Variants in STAU1 observed in about 807,000 individuals in gnomAD.
STAU1 encodes the protein staufen double-stranded RNA binding protein 1.
STAU1 carries 13 observed loss-of-function variants against 62.9 expected under a neutral mutation model. That is an observed-to-expected ratio of 0.21 (90% CI 0.13 to 0.33). The LOEUF (loss-of-function observed/expected upper bound fraction) is 0.33. Among genes scored for constraint, STAU1 ranks in the 10% least tolerant of loss-of-function variants. The pLI, the probability that STAU1 is intolerant of heterozygous loss-of-function variation, is 1.00. For synonymous variants in STAU1, 269 were observed against 265.1 expected (o/e 1.01, Z -0.14); for missense variants, 571 against 712.1 (o/e 0.80, Z 2.25).
chr20:49,213,340 C>T, the STAU1 span, among the ~76,000 whole-genome samples: 1 of 152,018 alleles, frequency 6.6e-6, no homozygotes, highest in Non-Finnish European at 1.5e-5. Flanking sequence ...AAACAATTCT[C>T]CTGTCTCAGC....
chr20:49,181,107 C>T (rs990278093), intron 1 of STAU1, among the ~76,000 whole-genome samples: 2 of 152,106 alleles, frequency 1.3e-5, no homozygotes, highest in Non-Finnish European at 2.9e-5. Context: ...ATGAGCTTTA[C>T]GCTGCAAAGA....
At chr20:49,134,029 T>C (rs1295914594) in intron 6 of STAU1, among the ~76,000 whole-genome samples, 1 of 152,156 alleles carries the variant, frequency 6.6e-6, no homozygotes, top group Non-Finnish European at 1.5e-5. Flanking sequence ...GAATATAAGC[T>C]TCAGATAGGC....
chr20:49,207,453 C>T, the STAU1 span, among the ~76,000 whole-genome samples: 1 of 152,140 alleles, frequency 6.6e-6, no homozygotes, highest in Non-Finnish European at 1.5e-5. Context: ...GTGGCCAGTC[C>T]AAGCAGGCTG....
chr20:49,170,073 C>T (rs907896183), intron 2 of STAU1, among the ~76,000 whole-genome samples: 4 of 152,016 alleles, frequency 2.6e-5, no homozygotes, highest in South Asian at 2.1e-4. Flanking sequence ...ATGAGCGCTA[C>T]GAAAGTTTTT....
At position 49,141,257 on chromosome 20, in the gene STAU1, T is replaced by G. The variant is rs114179309; in HGVS notation, c.511-5326A>C. Among the ~76,000 whole-genome samples the G allele has an allele frequency of 4.8e-3, 728 of 152,302 alleles. 3 individuals carry two copies. The highest frequency in any genetic ancestry group is 0.017 in the African/African-American group (690 of 41,568). On this transcript the variant is annotated intron_variant, in intron 5 of 13. Transcript: ENST00000371856. ...CCTGGATTTATCCAATGTCAATAGTTAAGTACTACTGACGTCGGACTGTTT... is the reference window on the plus strand; with the variant it reads ...CCTGGATTTATCCAATGTCAATAGTGAAGTACTACTGACGTCGGACTGTTT...
chr20:49,215,472 C>G, the STAU1 span, among the ~76,000 whole-genome samples: 1 of 152,128 alleles, frequency 6.6e-6, no homozygotes, highest in Non-Finnish European at 1.5e-5. Flanking sequence ...GAAACTTACA[C>G]TTTAGATTCA....
chr20:49,218,229 C>CTT, the STAU1 span, among the ~76,000 whole-genome samples: 29,221 of 139,340 alleles, frequency 0.21, 3,336 homozygotes, highest in East Asian at 0.34. Flanking sequence ...AAAGCCCAAT[C>CTT]TTTTTTTTTT....
At chr20:49,118,685 GGAA>G (rs140281510) in intron 9 of STAU1, among the ~76,000 whole-genome samples, 1,939 of 152,296 alleles carry the variant, frequency 0.013, 50 homozygotes, top group African/African-American at 0.044. Flanking sequence ...TGCACCCACA[GGAA>G]GACGGGAAGC....
Position 49,140,057 on chromosome 20 carries a change from G to A in STAU1, c.511-4126C>T, listed in dbSNP as rs182721082. Among the ~76,000 whole-genome samples, 309 of 150,192 alleles carry A rather than the reference G, an allele frequency of 2.1e-3. 1 individual carries two copies. The highest frequency in any genetic ancestry group is 7.1e-3 in the African/African-American group (289 of 40,848). On this transcript the variant is annotated intron_variant, in intron 5 of 13. Transcript: ENST00000371856. Reference sequence around the variant, plus strand: ...AAAAATTAGCTGAGCGTGGTGACGCGCACCTGTAGTCCCAGCTACTCGGGA... The same window carrying A: ...AAAAATTAGCTGAGCGTGGTGACGCACACCTGTAGTCCCAGCTACTCGGGA...
At chr20:49,149,717 T>C (rs2093206990) in intron 5 of STAU1, among the ~76,000 whole-genome samples, 2 of 152,232 alleles carry the variant, frequency 1.3e-5, no homozygotes, top group Non-Finnish European at 2.9e-5. Flanking sequence ...ATTTGGTCCT[T>C]AGTGAGCCCT....
chr20:49,117,904 T>C lies in STAU1; in HGVS notation c.1382A>G (p.Tyr461Cys). 2 of 1,614,162 alleles carry C rather than the reference T, an allele frequency of 1.2e-6. No individual in the cohort carries two copies. The highest frequency in any genetic ancestry group is 8.5e-7 in the Non-Finnish European group (1 of 1,180,020). ...VTAMIARELL[Y>C]GGTSPTAETI... ...CTCGGCTGTGGGCGAGGTGCCCCCATACAACAACTCTCGGGCTATCATGGC... is the reference window on the plus strand; with the variant it reads ...CTCGGCTGTGGGCGAGGTGCCCCCACACAACAACTCTCGGGCTATCATGGC... The change falls in exon 11 of 14, where the codon TAT becomes TGT. Residue 461 changes from tyrosine to cysteine, a missense_variant. Tyr to Cys is a radical substitution (Grantham distance 194). This residue lies in a region of STAU1 where 156 missense variants were observed against 194.7 expected (regional missense o/e 0.80). Coordinates refer to ENST00000371856, the MANE Select transcript of STAU1 (RefSeq NM_017453.4). This position sits in a 1 kb window ranked among gnomAD's most constrained non-coding sequence, Gnocchi z 4.6.
intron 1 of STAU1, among the ~76,000 whole-genome samples, chr20:49,185,120 T>G (rs1260849015): frequency 6.6e-6 from 1 of 152,226 alleles, no homozygotes; most frequent in Non-Finnish European, 1.5e-5. Flanking sequence ...CGGGGGCACT[T>G]TGGAAAACAA....
intron 5 of STAU1, among the ~76,000 whole-genome samples, chr20:49,149,279 C>CACACAT (rs1447832636): frequency 6.6e-6 from 1 of 150,818 alleles, no homozygotes; most frequent in Non-Finnish European, 1.5e-5. Context: ...CACACACACA[C>CACACAT]ACACACACAC....
chr20:49,166,461 C>G (rs1257518149), intron 2 of STAU1, among the ~76,000 whole-genome samples, 176 bp from the exon 3 acceptor site: 1 of 152,110 alleles, frequency 6.6e-6, no homozygotes, highest in East Asian at 1.9e-4. Context: ...AGTTTCTTGG[C>G]CTTGTGACTT....
upstream of STAU1, among the ~76,000 whole-genome samples, chr20:49,190,540 G>A (rs1409641790): frequency 6.6e-6 from 1 of 152,100 alleles, no homozygotes; most frequent in Non-Finnish European, 1.5e-5. Flanking sequence ...TCAAATTCTA[G>A]GCTCAAGCAA....
At chr20:49,139,509 G>C (rs2092961009) in intron 5 of STAU1, among the ~76,000 whole-genome samples, 1 of 152,162 alleles carries the variant, frequency 6.6e-6, no homozygotes. Flanking sequence ...TGGGTCACCT[G>C]AGGTCAGAGG....
chr20:49,114,587 G>C lies in STAU1; in HGVS notation c.*291C>G, dbSNP rs2092266670. On this transcript the variant is annotated 3_prime_UTR_variant, in exon 14 of 14. Coordinates refer to ENST00000371856, the MANE Select transcript of STAU1 (RefSeq NM_017453.4). The stretch of plus-strand genomic sequence containing the variant: ...GAGGTGCCCAGGGTGTGGATCTGCT[G>C]GTGTCCCGGGAGAACCAGCTGGCTG... 2.4e-6 allele frequency: 1 copy of C among 409,316 alleles called. No individual in the cohort carries two copies. Among genetic ancestry groups the C allele is most frequent in the Non-Finnish European group, 4.4e-6 (1 of 226,652 alleles). 25.4% of individuals were successfully genotyped at this position (409,316 alleles called of 1,614,324 possible).
the STAU1 span, among the ~76,000 whole-genome samples, chr20:49,216,720 T>TAA: frequency 6.6e-6 from 1 of 151,898 alleles, no homozygotes; most frequent in Non-Finnish European, 1.5e-5. Context: ...GGGAGGGAGA[T>TAA]AAAAAGAATG....
intron 2 of STAU1, among the ~76,000 whole-genome samples, chr20:49,170,781 C>A: frequency 7.6e-6 from 1 of 131,234 alleles, no homozygotes; most frequent in Non-Finnish European, 1.7e-5. Context: ...CAAGATGTGT[C>A]TGGGAAAAAA....
Sources: allele counts gnomAD v4.1 joint callset (sites outside exome capture counted in the v4.1 genomes callset), GRCh38; gene constraint gnomAD v4.1.1; regional missense constraint gnomAD v4.1.1; non-coding constraint Gnocchi (gnomAD v3.1); transcripts MANE v1.5; gene names NCBI Gene and HGNC (gene_info 2026-07-23, HGNC 2026-07-21).